Variants in CREB5 observed in about 807,000 individuals in gnomAD.
CREB5 encodes cAMP responsive element binding protein 5, also known as cyclic AMP-responsive element-binding protein 5.
A neutral mutation model predicts 57.1 loss-of-function variants in CREB5; 19 were observed. The observed-to-expected ratio is 0.33, with a 90% confidence interval of 0.23 to 0.49. CREB5 has a LOEUF of 0.49. Among genes scored for constraint, CREB5 ranks in the 20% least tolerant of loss-of-function variants. CREB5 has a pLI of 0.99. For missense variants in CREB5, 579 were observed against 671.6 expected, an observed-to-expected ratio of 0.86 and a Z score of 1.52; for synonymous variants, 238 against 238.3, an observed-to-expected ratio of 1.00 and a Z score of 0.01.
At chr7:28,783,884 A>G (rs1015764887) in intron 7 of CREB5, among the ~76,000 whole-genome samples, 1 of 152,224 alleles carries the variant, frequency 6.6e-6, no homozygotes, top group African/African-American at 2.4e-5. Context: ...TACAGAAGGA[A>G]TGATTTCCCT....
At chr7:28,500,086 TTGC>T (rs1304287629) in intron 3 of CREB5, among the ~76,000 whole-genome samples, 9 of 152,330 alleles carry the variant, frequency 5.9e-5, no homozygotes, top group Admixed American at 4.6e-4. Context: ...TAAGTGTTAA[TTGC>T]TGCGTTGAAC....
At chr7:28,350,398 A>G (rs981376033) in intron 1 of CREB5, among the ~76,000 whole-genome samples, 3 of 152,006 alleles carry the variant, frequency 2.0e-5, no homozygotes, top group Admixed American at 2.0e-4. Context: ...CTTGTGGGAA[A>G]GCCCTCTTTC....
chr7:28,645,531 TATAAA>T (rs763594858), intron 5 of CREB5, among the ~76,000 whole-genome samples: 1 of 152,222 alleles, frequency 6.6e-6, no homozygotes, highest in Non-Finnish European at 1.5e-5. Context: ...TGATGTTAAT[TATAAA>T]ATACAGAAAT....
chr7:28,341,419 T>C (rs961789997), intron 1 of CREB5, among the ~76,000 whole-genome samples: 7 of 152,230 alleles, frequency 4.6e-5, no homozygotes, highest in Non-Finnish European at 4.4e-5. Flanking sequence ...GTATTTTATA[T>C]TTTTGTCTAT....
chr7:28,468,842 G>T (rs936443151), intron 1 of CREB5, among the ~76,000 whole-genome samples: 1 of 152,268 alleles, frequency 6.6e-6, no homozygotes, highest in Middle Eastern at 3.4e-3. Flanking sequence ...TTCCTATTTT[G>T]CAGACTAGAG....
At chr7:28,516,855 C>T (rs936789347) in intron 4 of CREB5, among the ~76,000 whole-genome samples, 5 of 152,206 alleles carry the variant, frequency 3.3e-5, no homozygotes, top group African/African-American at 9.6e-5. Flanking sequence ...ATCGAATGGA[C>T]ACTCTCCTCC....
At chr7:28,427,056 T>G (rs377047706) in intron 1 of CREB5, among the ~76,000 whole-genome samples, 25 of 152,324 alleles carry the variant, frequency 1.6e-4, no homozygotes, top group African/African-American at 5.3e-4. Flanking sequence ...AGTATCACAT[T>G]AATTTTAAAC....
At chr7:28,706,448 T>C (rs926961187) in intron 5 of CREB5, among the ~76,000 whole-genome samples, 13 of 152,180 alleles carry the variant, frequency 8.5e-5, no homozygotes, top group South Asian at 2.1e-4. Flanking sequence ...TGTACATAGA[T>C]TGGACACAGT....
intron 1 of CREB5, among the ~76,000 whole-genome samples, chr7:28,407,008 T>C (rs1787594856): frequency 6.6e-6 from 1 of 152,128 alleles, no homozygotes; most frequent in Non-Finnish European, 1.5e-5. Context: ...AGTGCTTCCA[T>C]AGTACTTGCC....
chr7:28,375,219 G>A (rs1786797640), intron 1 of CREB5, among the ~76,000 whole-genome samples: 2 of 152,166 alleles, frequency 1.3e-5, no homozygotes, highest in Non-Finnish European at 1.5e-5. Flanking sequence ...TTGGTTATGG[G>A]AAATCTACCT....
intron 1 of CREB5, among the ~76,000 whole-genome samples, chr7:28,355,652 G>T (rs1379735368): frequency 6.6e-6 from 1 of 152,006 alleles, no homozygotes; most frequent in Non-Finnish European, 1.5e-5. Flanking sequence ...AATGGTATTC[G>T]CATGTACAGC....
intron 1 of CREB5, among the ~76,000 whole-genome samples, chr7:28,454,274 G>GTT (rs1562727339): frequency 6.6e-6 from 1 of 152,128 alleles, no homozygotes; most frequent in Non-Finnish European, 1.5e-5. Context: ...TCCTGTGTAA[G>GTT]TTTCCTCATA....
At chr7:28,443,226 T>G (rs998888457) in intron 1 of CREB5, among the ~76,000 whole-genome samples, 1 of 152,158 alleles carries the variant, frequency 6.6e-6, no homozygotes, top group Non-Finnish European at 1.5e-5. Flanking sequence ...TGTTCCTAGC[T>G]CCTATGAGAG....
chr7:28,331,800 G>A (rs564127417), intron 1 of CREB5, among the ~76,000 whole-genome samples: 1 of 141,988 alleles, frequency 7.0e-6, no homozygotes, highest in South Asian at 2.3e-4. Context: ...AGTCAGGCGA[G>A]ATTGTGCCAT....
intron 1 of CREB5, among the ~76,000 whole-genome samples, chr7:28,460,937 A>G (rs954715617): frequency 2.0e-5 from 3 of 152,062 alleles, no homozygotes; most frequent in African/African-American, 4.8e-5. Context: ...GCTTGTGCCT[A>G]TAGTCCTAGC....
intron 1 of CREB5, among the ~76,000 whole-genome samples, chr7:28,326,582 C>G (rs147946800): frequency 4.8e-4 from 73 of 152,306 alleles, no homozygotes; most frequent in African/African-American, 1.7e-3. Context: ...TTAGTCACAA[C>G]AGGCACAATG....
At chr7:28,756,234 C>A (rs1583676468) in intron 7 of CREB5, among the ~76,000 whole-genome samples, 1 of 152,040 alleles carries the variant, frequency 6.6e-6, no homozygotes, top group South Asian at 2.1e-4. Flanking sequence ...GAAGGGCTTG[C>A]CATCTCCCTT....
chr7:28,313,027 C>T (rs1293307825), intron 1 of CREB5, among the ~76,000 whole-genome samples: 2 of 152,290 alleles, frequency 1.3e-5, no homozygotes, highest in South Asian at 2.1e-4. Context: ...TAGTTTAGGT[C>T]GGTGTTTCTC....
At chr7:28,676,207 T>C in intron 5 of CREB5, among the ~76,000 whole-genome samples, 1 of 152,142 alleles carries the variant, frequency 6.6e-6, no homozygotes, top group Non-Finnish European at 1.5e-5. Context: ...TTTTTCAGGT[T>C]CACTGCCTCT....
Sources: allele counts gnomAD v4.1 joint callset (sites outside exome capture counted in the v4.1 genomes callset), GRCh38; gene constraint gnomAD v4.1.1; transcripts MANE v1.5; gene names NCBI Gene and HGNC (gene_info 2026-07-23, HGNC 2026-07-21).